The following ODAD2 variants were observed in gnomAD, a reference collection of about 807,000 sequenced individuals.
ODAD2 encodes the protein outer dynein arm-docking complex subunit 2.
ODAD2 carries 89 observed loss-of-function variants against 106.8 expected under a neutral mutation model. The observed-to-expected ratio is 0.83, with a 90% CI of 0.70 to 0.99. ODAD2 has a LOEUF of 0.99. ODAD2 is among the 50% of genes least tolerant of loss of function. ODAD2 has a pLI of 0.00. For synonymous variants in ODAD2, 404 were observed against 436.2 expected (o/e 0.93, Z 0.92); for missense variants, 1,168 against 1,238.5 (o/e 0.94, Z 0.85).
At chr10:27,896,807 T>C (rs1007898214) in intron 17 of ODAD2, among the ~76,000 whole-genome samples, 3 of 152,180 alleles carry the variant, frequency 2.0e-5, no homozygotes, top group African/African-American at 7.2e-5. Flanking sequence ...CACACACACA[T>C]GCCTCTTCCA....
chr10:27,862,248 T>A (rs1228102042), intron 18 of ODAD2, among the ~76,000 whole-genome samples, 186 bp downstream of exon 18: 2 of 152,174 alleles, frequency 1.3e-5, no homozygotes, highest in Non-Finnish European at 2.9e-5. Context: ...CATTTTATAG[T>A]TTAAAATACG....
In ODAD2 at chr10:27,945,033, G is replaced by A. The variant is rs1375096616; in HGVS notation, c.1387-71C>T. ...CCATAGAAATGCACTAAGTAGTTAC[G>A]AATCCATGAACTGGAAAACATGTCT... is the stretch of plus-strand genomic sequence containing the variant. On this transcript the variant is annotated intron_variant, in intron 10 of 19. Transcript: ENST00000305242. The A allele has an allele frequency of 4.5e-6, 7 of 1,551,130 alleles. No individual in the cohort carries two copies. The East Asian group carries it at 9.1e-5, about 20-fold the overall frequency.
chr10:27,906,789 C>T (rs1044851203), intron 17 of ODAD2, among the ~76,000 whole-genome samples: 1 of 152,156 alleles, frequency 6.6e-6, no homozygotes, highest in Non-Finnish European at 1.5e-5. Flanking sequence ...CGCATGTTCT[C>T]ATTCATAAGC....
chr10:27,840,508 C>T (rs546423551), intron 19 of ODAD2, among the ~76,000 whole-genome samples: 4 of 152,150 alleles, frequency 2.6e-5, no homozygotes, highest in Non-Finnish European at 5.9e-5. Flanking sequence ...CTTCATTGTC[C>T]ACCACTGATT....
At chr10:27,829,406 A>G (rs552746214) in intron 19 of ODAD2, among the ~76,000 whole-genome samples, 8 of 152,300 alleles carry the variant, frequency 5.3e-5, no homozygotes, top group Admixed American at 3.9e-4. Flanking sequence ...CTCATTCTCA[A>G]GGCCTCCTTG....
rs139513498 is a variant in ODAD2 at position 27,944,503 on chromosome 10, C to A, written c.1534-72G>T. ...ATGTTTTTAAAAATTCCGAGTATAC[C>A]TAAAATCCTTCCCCAGTTAAGTTTT... On this transcript the variant is annotated intron_variant, in intron 11 of 19. Transcript: ENST00000305242. 9.0e-5 allele frequency: 122 copies of A among 1,352,362 alleles called. No homozygotes were observed. The East Asian group carries it at 2.8e-3, about 31-fold the overall frequency. The allele number at this position is 1,352,362 out of a possible 1,614,324, so 83.8% of individuals were successfully genotyped here.
chr10:27,889,111 T>C (rs941197800), intron 17 of ODAD2, among the ~76,000 whole-genome samples: 4 of 152,176 alleles, frequency 2.6e-5, no homozygotes, highest in Non-Finnish European at 5.9e-5. Context: ...GTTCACTTCT[T>C]GAAAACAGTT....
chr10:27,974,284 C>T (rs1031950649), intron 7 of ODAD2, among the ~76,000 whole-genome samples: 4 of 152,130 alleles, frequency 2.6e-5, no homozygotes, highest in African/African-American at 9.7e-5. Context: ...AATTAGATCC[C>T]ACTTGTCAAT....
chr10:27,921,154 T>C lies in ODAD2; in HGVS notation c.2496-13377A>G, dbSNP rs146270293. On this transcript the variant is annotated intron_variant, in intron 16 of 19. Coordinates refer to ENST00000305242, the MANE Select transcript of ODAD2 (RefSeq NM_018076.5). Reference sequence around the variant, plus strand: ...ATCCTGGGCACTTACAAAATATTAATAGAAATACCTGTTCCTTAATTTCCT... The same window carrying C: ...ATCCTGGGCACTTACAAAATATTAACAGAAATACCTGTTCCTTAATTTCCT... 1.1e-4 allele frequency among the ~76,000 whole-genome samples: 16 copies of C among 152,176 alleles called. No individual in the cohort carries two copies. In the East Asian group the frequency reaches 3.1e-3, roughly 29 times the overall value.
chr10:27,944,972 TGC>T lies in ODAD2; in HGVS notation c.1387-12_1387-11del. On this transcript the variant is annotated splice_polypyrimidine_tract_variant and intron_variant, in intron 10 of 19. Transcript: ENST00000305242. ...CTGTTTGATTTCCTCCCTACAAAGA[TGC>T]AATGCCAGAGAAAGGTTAAGGAACA... 6.2e-7 allele frequency: 1 copy of T among 1,613,748 alleles called. No individual in the cohort carries two copies. The highest frequency in any genetic ancestry group is 8.5e-7 in the Non-Finnish European group (1 of 1,179,736).
At chr10:27,852,789 C>T (rs956024841) in intron 19 of ODAD2, among the ~76,000 whole-genome samples, 15 of 150,860 alleles carry the variant, frequency 9.9e-5, no homozygotes, top group Admixed American at 6.0e-4. Flanking sequence ...GGCAAAACCC[C>T]GTCTCTGCTA....
chr10:27,991,391 G>C (rs1197930440), intron 2 of ODAD2, among the ~76,000 whole-genome samples: 1 of 152,074 alleles, frequency 6.6e-6, no homozygotes. Context: ...AATTAATAAC[G>C]ATCTGCACAA....
At chr10:27,981,737 C>A in intron 6 of ODAD2, 155 bp from the exon 7 acceptor site, 1 of 531,080 alleles carries the variant, frequency 1.9e-6, no homozygotes, top group South Asian at 2.8e-5. Flanking sequence ...AAATCCTTCC[C>A]CCTTAATTTA....
At chr10:27,969,590 T>C (rs763690883) in intron 8 of ODAD2, among the ~76,000 whole-genome samples, 4 of 152,256 alleles carry the variant, frequency 2.6e-5, no homozygotes, top group Non-Finnish European at 4.4e-5. Flanking sequence ...CACCCCAAAA[T>C]TGATGAGAAT....
At chr10:27,815,371 C>T (rs184474116) in intron 19 of ODAD2, among the ~76,000 whole-genome samples, 1 of 152,166 alleles carries the variant, frequency 6.6e-6, no homozygotes, top group Non-Finnish European at 1.5e-5. Context: ...ATTTTCTTCC[C>T]TTCATAGCCA....
intron 16 of ODAD2, among the ~76,000 whole-genome samples, chr10:27,924,101 A>G (rs1319222503): frequency 4.0e-5 from 6 of 151,846 alleles, no homozygotes; most frequent in Admixed American, 3.9e-4. Flanking sequence ...TAAAACACTC[A>G]TAATAATTCA....
chr10:27,891,056 A>AC (rs1657794178), intron 17 of ODAD2, among the ~76,000 whole-genome samples: 1 of 152,110 alleles, frequency 6.6e-6, no homozygotes, highest in Non-Finnish European at 1.5e-5. Flanking sequence ...ATGAAACTAA[A>AC]CCCCTCCACA....
intron 16 of ODAD2, among the ~76,000 whole-genome samples, chr10:27,933,361 A>G (rs1188273613): frequency 6.6e-6 from 1 of 152,226 alleles, no homozygotes; most frequent in Non-Finnish European, 1.5e-5. Context: ...AAATGCTTTG[A>G]ATAGCAAGTT....
chr10:27,877,527 TC>T (rs1841424695), intron 17 of ODAD2, among the ~76,000 whole-genome samples: 1 of 148,520 alleles, frequency 6.7e-6, no homozygotes, highest in African/African-American at 2.4e-5. Context: ...TTCTTTCTTT[TC>T]TTTTTTCCTT....
Sources: gnomAD v4.1 joint callset for allele counts (sites outside exome capture counted in the v4.1 genomes callset) on GRCh38, gnomAD v4.1.1 for gene constraint, MANE v1.5 for transcripts, NCBI Gene and HGNC (gene_info 2026-07-23, HGNC 2026-07-21) for gene names.